Variants in EVC2 observed in about 807,000 individuals in gnomAD.
The protein encoded by EVC2 is EvC ciliary complex subunit 2, also known as limbin.
Under a neutral mutation model 149.3 loss-of-function variants are expected in EVC2, and 148 were observed. That is an observed-to-expected ratio of 0.99 (90% CI 0.87 to 1.14). The LOEUF (loss-of-function observed/expected upper bound fraction) is 1.14, where lower values mean the gene tolerates loss of function less well. Ranked by LOEUF, EVC2 falls within the 50% of genes most tolerant of loss-of-function variation. The pLI is 0.00. For synonymous variants in EVC2, 776 were observed against 649.9 expected (o/e 1.19, Z -2.95); for missense variants, 1,854 against 1,627.3 (o/e 1.14, Z -2.40).
At chr4:5,529,054 G>A in the EVC2 span, among the ~76,000 whole-genome samples, 14 of 152,082 alleles carry the variant, frequency 9.2e-5, no homozygotes, top group Non-Finnish European at 1.9e-4. This position sits in a 1 kb window ranked among gnomAD's most constrained non-coding sequence, Gnocchi z 4.5. Context: ...ATGTTTCCAC[G>A]GAGGCCGAGA....
chr4:5,545,172 C>G (rs1176347056), intron 21 of EVC2, among the ~76,000 whole-genome samples: 1 of 152,226 alleles, frequency 6.6e-6, no homozygotes, highest in East Asian at 1.9e-4. Context: ...TAGTGAGCTC[C>G]TCTCCAGGAG....
intron 16 of EVC2, among the ~76,000 whole-genome samples, chr4:5,610,056 T>A (rs952928444): frequency 2.6e-5 from 4 of 152,156 alleles, no homozygotes; most frequent in African/African-American, 9.7e-5. Context: ...TTCACCTCCC[T>A]GTACCTCAAA....
At chr4:5,563,500 C>G (rs530106139) in intron 21 of EVC2, among the ~76,000 whole-genome samples, 1 of 152,264 alleles carries the variant, frequency 6.6e-6, no homozygotes, top group Non-Finnish European at 1.5e-5. Context: ...GCGCGTGCAA[C>G]CATGCCCAGC....
chr4:5,666,416 C>A (rs1719288400), intron 7 of EVC2, among the ~76,000 whole-genome samples: 1 of 152,142 alleles, frequency 6.6e-6, no homozygotes, highest in African/African-American at 2.4e-5. Context: ...CTAATTCAGT[C>A]CCTTTTCTCA....
intron 7 of EVC2, 40 bp downstream of exon 7, chr4:5,681,220 G>A (rs1454806943): frequency 9.3e-6 from 15 of 1,611,418 alleles, no homozygotes; most frequent in Non-Finnish European, 1.2e-5. Flanking sequence ...CACAGCACAG[G>A]TGTGTCCTGA....
Position 5,660,613 on chromosome 4 carries a change from G to A in EVC2, c.1145+2494C>T, listed in dbSNP as rs549201006. 9.9e-5 allele frequency among the ~76,000 whole-genome samples: 15 copies of A among 152,194 alleles called. No homozygotes were observed. In the South Asian group the frequency reaches 1.9e-3, roughly 19 times the overall value. On this transcript the variant is annotated intron_variant, in intron 9 of 21. Transcript: ENST00000344408. ...AGAAAGACTCAAGGAAGGGCTACTC[G>A]CCCTGACCACTTCTCTTTATGGTCT...
intron 21 of EVC2, among the ~76,000 whole-genome samples, chr4:5,548,531 C>T (rs2108758213): frequency 6.6e-6 from 1 of 151,936 alleles, no homozygotes; most frequent in South Asian, 2.1e-4. Context: ...CTACTATTTA[C>T]ATGCAGTGGA....
At chr4:5,616,930 G>A (rs531256961) in intron 15 of EVC2, among the ~76,000 whole-genome samples, 1 of 152,332 alleles carries the variant, frequency 6.6e-6, no homozygotes, top group South Asian at 2.1e-4. Context: ...CCAGCTTCAA[G>A]GCAGGGGAAC....
chr4:5,556,785 A>G (rs1347368624), intron 21 of EVC2, among the ~76,000 whole-genome samples: 2 of 152,206 alleles, frequency 1.3e-5, no homozygotes, highest in Admixed American at 6.5e-5. Flanking sequence ...AAAGCATCAT[A>G]AAAGAATGCT....
chr4:5,703,373 T>C (rs528049538), intron 1 of EVC2, among the ~76,000 whole-genome samples: 1 of 152,338 alleles, frequency 6.6e-6, no homozygotes, highest in South Asian at 2.1e-4. Flanking sequence ...AAAGCTGGAC[T>C]GAGCACCAAC....
intron 1 of EVC2, among the ~76,000 whole-genome samples, chr4:5,699,333 G>A (rs751527427): frequency 5.3e-5 from 8 of 152,162 alleles, no homozygotes; most frequent in African/African-American, 7.2e-5. Context: ...TATGGGCAGC[G>A]TAAAGAATTC....
chr4:5,534,231 G>A, the EVC2 span, among the ~76,000 whole-genome samples: 1 of 152,184 alleles, frequency 6.6e-6, no homozygotes. Context: ...ATGAAGCTGT[G>A]AGAGAATGAC....
At chr4:5,683,917 C>G (rs189125843) in intron 6 of EVC2, among the ~76,000 whole-genome samples, 279 of 150,724 alleles carry the variant, frequency 1.9e-3, no homozygotes, top group Middle Eastern at 0.017. Flanking sequence ...CACAGCTGCC[C>G]GGGAACACAC....
chr4:5,708,266 T>C lies in EVC2; in HGVS notation c.228+20A>G. 2 of 1,473,260 alleles carry C rather than the reference T, an allele frequency of 1.4e-6. No individual in the cohort carries two copies. The highest frequency in any genetic ancestry group is 8.9e-7 in the Non-Finnish European group (1 of 1,117,992). 91.3% of individuals were successfully genotyped at this position (1,473,260 alleles called of 1,614,324 possible). ...AAACCACTACAGTCAGACCGGAGCCTGGGGTCGGGCCCTCCTTACCTGCGT... is the reference window on the plus strand; with the variant it reads ...AAACCACTACAGTCAGACCGGAGCCCGGGGTCGGGCCCTCCTTACCTGCGT... On this transcript the variant is annotated intron_variant, in intron 1 of 21. Coordinates refer to ENST00000344408, the MANE Select transcript of EVC2 (RefSeq NM_147127.5).
At chr4:5,619,009 T>G (rs1715486371) in intron 14 of EVC2, among the ~76,000 whole-genome samples, 1 of 152,164 alleles carries the variant, frequency 6.6e-6, no homozygotes, top group African/African-American at 2.4e-5. Context: ...AACAAAGCAC[T>G]GTCTGTGGAG....
In EVC2 at chr4:5,637,770, T is replaced by G. The variant is rs182051967; in HGVS notation, c.1470+2744A>C. Reference sequence around the variant, plus strand: ...GAAACTCAACAATGGGCAGAATGAATGATCCTCTGCCACTGAGTTGTGGGA... The same window carrying G: ...GAAACTCAACAATGGGCAGAATGAAGGATCCTCTGCCACTGAGTTGTGGGA... On this transcript the variant is annotated intron_variant, in intron 10 of 21. Coordinates refer to ENST00000344408, the MANE Select transcript of EVC2 (RefSeq NM_147127.5). The surrounding 1 kb of genome is among the most constrained non-coding windows in gnomAD (Gnocchi z 4.4). Among the ~76,000 whole-genome samples the G allele has an allele frequency of 6.6e-6, 1 of 151,648 alleles. No individual in the cohort carries two copies. The highest frequency in any genetic ancestry group is 1.9e-4 in the East Asian group (1 of 5,158).
In EVC2 at chr4:5,658,491, T is replaced by C. The variant is rs140216970; in HGVS notation, c.1145+4616A>G. Among the ~76,000 whole-genome samples the C allele has an allele frequency of 7.8e-3, 1,196 of 152,358 alleles. 8 individuals carry two copies. The highest frequency in any genetic ancestry group is 0.031 in the Middle Eastern group (9 of 294). On this transcript the variant is annotated intron_variant, in intron 9 of 21. Coordinates refer to ENST00000344408, the MANE Select transcript of EVC2 (RefSeq NM_147127.5). ...AAAACCTCAATTCGACAAATACTCA[T>C]GGAACACTTACTTTGTACAAACACA...
chr4:5,576,821 C>G lies in EVC2; in HGVS notation c.3058-367G>C, dbSNP rs1722965735. Among the ~76,000 whole-genome samples, 1 of 152,216 alleles carries G rather than the reference C, an allele frequency of 6.6e-6. No homozygotes were observed. The highest frequency in any genetic ancestry group is 6.5e-5 in the Admixed American group (1 of 15,284). ...CCTCTCCTCATGTGCCCACTCACTA[C>G]CCCTTGCATGCACTCTGTTTCCTGT... On this transcript the variant is annotated intron_variant, in intron 17 of 21. Transcript: ENST00000344408. The surrounding 1 kb of genome is among the most constrained non-coding windows in gnomAD (Gnocchi z 4.5).
the EVC2 span, among the ~76,000 whole-genome samples, chr4:5,533,317 C>A: frequency 6.6e-6 from 1 of 152,118 alleles, no homozygotes; most frequent in African/African-American, 2.4e-5. Flanking sequence ...ATTCCAGAGA[C>A]AGAAAGCAGC....
Sources: allele counts gnomAD v4.1 joint callset (sites outside exome capture counted in the v4.1 genomes callset), GRCh38; gene constraint gnomAD v4.1.1; non-coding constraint Gnocchi (gnomAD v3.1); transcripts MANE v1.5; gene names NCBI Gene and HGNC (gene_info 2026-07-23, HGNC 2026-07-21).